The following ARHGAP35 variants were observed in gnomAD, a reference collection of about 807,000 sequenced individuals.
ARHGAP35 encodes Rho GTPase activating protein 35.
Under a neutral mutation model 111.1 loss-of-function variants are expected in ARHGAP35, and 15 were observed. The ratio of observed to expected loss-of-function variants is 0.13; its 90% CI spans 0.09 to 0.21. The LOEUF (loss-of-function observed/expected upper bound fraction) is 0.21. ARHGAP35 is among the 10% of genes least tolerant of loss of function. The pLI is 1.00. For missense variants in ARHGAP35, 1,262 were observed against 1,873.0 expected (o/e 0.67, Z 6.02); for synonymous variants, 643 against 710.3 (o/e 0.91, Z 1.51).
At chr19:46,937,074 A>G (rs919569245) in intron 2 of ARHGAP35, among the ~76,000 whole-genome samples, 190 bp from the exon 3 acceptor site, 2 of 152,078 alleles carry the variant, frequency 1.3e-5, no homozygotes, top group African/African-American at 4.8e-5. Flanking sequence ...TCCTGACCTG[A>G]GGTGATCCAC....
chr19:46,878,949 T>C (rs984833367), intron 1 of ARHGAP35, among the ~76,000 whole-genome samples: 1 of 152,222 alleles, frequency 6.6e-6, no homozygotes, highest in Non-Finnish European at 1.5e-5. Flanking sequence ...GTTTGCTACA[T>C]TCATTGATTC....
chr19:46,864,097 C>G (rs1200501939), intron 1 of ARHGAP35, among the ~76,000 whole-genome samples: 1 of 152,186 alleles, frequency 6.6e-6, no homozygotes, highest in African/African-American at 2.4e-5. Context: ...TGTGGGTGGG[C>G]CCTGACATTC....
chr19:46,861,278 A>AGGCGGGGAC (rs945688672), intron 1 of ARHGAP35, among the ~76,000 whole-genome samples, 69 bp downstream of exon 1: 23 of 147,008 alleles, frequency 1.6e-4, no homozygotes, highest in Non-Finnish European at 2.7e-4. Context: ...GTCCAGGGGG[A>AGGCGGGGAC]GGCGGGGACG....
At position 46,920,192 on chromosome 19, in the gene ARHGAP35, T is replaced by G; in HGVS notation, c.1517T>G (p.Leu506Arg). Residue 506 changes from leucine (L) to arginine (R), a missense_variant, in exon 2 of 7, where the codon CTG (leucine) becomes CGG (arginine). Physicochemically the swap from Leu to Arg is moderately radical, Grantham distance 102. Around this residue, in one of 8 missense-constraint regions of ARHGAP35, gnomAD observed 328 missense variants for 440.8 expected, o/e 0.74. Transcript: ENST00000672722. The surrounding 1 kb of genome is among the most constrained non-coding windows in gnomAD (Gnocchi z 7.0). ...GAATATTCAGAATTGTTTTATGAAC[T>G]GGAGCTGGATGCTAAGCCCAGCAAG... The part of the protein sequence containing the change: ...LLEYSELFYE[L>R]ELDAKPSKEK... 1 of 1,613,990 alleles carries G rather than the reference T, an allele frequency of 6.2e-7. No homozygotes were observed. Among genetic ancestry groups the G allele is most frequent in the Non-Finnish European group, 8.5e-7 (1 of 1,179,882 alleles).
At position 46,921,956 on chromosome 19, in the gene ARHGAP35, T is replaced by G; in HGVS notation, c.3281T>G (p.Val1094Gly). The change falls in exon 2 of 7, where the codon GTG becomes GGG. Residue 1094 changes from valine (V) to glycine (G), a missense_variant. Physicochemically the swap from Val to Gly is moderately radical, Grantham distance 109. Around this residue, in one of 8 missense-constraint regions of ARHGAP35, gnomAD observed 579 missense variants for 716.9 expected, o/e 0.81. Coordinates refer to ENST00000672722, the MANE Select transcript of ARHGAP35 (RefSeq NM_004491.5). This position sits in a 1 kb window ranked among gnomAD's most constrained non-coding sequence, Gnocchi z 4.3. ...PSDYAEPMDAVVKPRNEEENI... is the reference protein window; with the variant it reads ...PSDYAEPMDAGVKPRNEEENI... ...GACTATGCTGAACCCATGGATGCTG[T>G]GGTGAAGCCAAGGAATGAAGAAGAA... is the stretch of plus-strand genomic sequence containing the variant. The G allele has an allele frequency of 6.2e-7, 1 of 1,613,958 alleles. No individual in the cohort carries two copies.
At chr19:46,956,082 C>A (rs2056437564) in intron 3 of ARHGAP35, among the ~76,000 whole-genome samples, 2 of 152,160 alleles carry the variant, frequency 1.3e-5, no homozygotes, top group African/African-American at 4.8e-5. Flanking sequence ...CTTAGAGAGA[C>A]CAGTGCGGGC....
In ARHGAP35 at chr19:46,926,509, C is replaced by T. The variant is rs1163276164; in HGVS notation, c.3681+4153C>T. ...AAAAACAGGCTGGGGAGCCTTGTTC[C>T]ACAAAGTATGCCTTTTGGTCATGCT... On this transcript the variant is annotated intron_variant, in intron 2 of 6. Coordinates refer to ENST00000672722, the MANE Select transcript of ARHGAP35 (RefSeq NM_004491.5). The surrounding 1 kb of genome is among the most constrained non-coding windows in gnomAD (Gnocchi z 4.1). 6.6e-6 allele frequency among the ~76,000 whole-genome samples: 1 copy of T among 152,090 alleles called. No individual in the cohort carries two copies. The highest frequency in any genetic ancestry group is 2.4e-5 in the African/African-American group (1 of 41,406).
At chr19:46,939,372 CATTTATTTATTT>C (rs60855006) in intron 3 of ARHGAP35, among the ~76,000 whole-genome samples, 1,597 of 145,368 alleles carry the variant, frequency 0.011, 20 homozygotes, top group African/African-American at 0.032. Context: ...TGCACCTTTA[CATTTATTTATTT>C]ATTTATTTAT....
chr19:46,871,340 T>G (rs537387285), intron 1 of ARHGAP35, among the ~76,000 whole-genome samples: 1 of 152,126 alleles, frequency 6.6e-6, no homozygotes, highest in Non-Finnish European at 1.5e-5. Flanking sequence ...AGTTTAGCAA[T>G]GTTTTATTTG....
intron 1 of ARHGAP35, among the ~76,000 whole-genome samples, chr19:46,898,909 A>G (rs1599806105): frequency 6.6e-6 from 1 of 152,228 alleles, no homozygotes; most frequent in Non-Finnish European, 1.5e-5. Context: ...GCATTCTTCC[A>G]TAGTTGTTCA....
intron 1 of ARHGAP35, among the ~76,000 whole-genome samples, chr19:46,879,615 T>TAAATAAATAAATAAAC (rs1381786999): frequency 6.8e-6 from 1 of 147,396 alleles, no homozygotes; most frequent in Non-Finnish European, 1.5e-5. Flanking sequence ...AATAAATAAA[T>TAAATAAATAAATAAAC]AAAAATAAAA....
chr19:46,935,475 C>T (rs2056302539), intron 2 of ARHGAP35, among the ~76,000 whole-genome samples: 1 of 152,148 alleles, frequency 6.6e-6, no homozygotes, highest in African/African-American at 2.4e-5. Flanking sequence ...CAACGAATCT[C>T]AGACTAAACA....
At chr19:46,935,566 C>T (rs1340528360) in intron 2 of ARHGAP35, among the ~76,000 whole-genome samples, 5 of 152,274 alleles carry the variant, frequency 3.3e-5, no homozygotes, top group Admixed American at 6.5e-5. Context: ...AGGTGGCCTG[C>T]GGCCTGGCGG....
chr19:46,990,483 G>C (rs925532864), intron 5 of ARHGAP35, among the ~76,000 whole-genome samples: 1 of 152,180 alleles, frequency 6.6e-6, no homozygotes, highest in African/African-American at 2.4e-5. Flanking sequence ...TTGTGCCTCT[G>C]GCAGGCCAAG....
intron 3 of ARHGAP35, among the ~76,000 whole-genome samples, chr19:46,973,558 CG>C (rs1419181167): frequency 1.3e-5 from 2 of 150,138 alleles, no homozygotes; most frequent in Non-Finnish European, 3.0e-5. Flanking sequence ...GGTGTGGTGG[CG>C]GGGCGCCTGT....
intron 1 of ARHGAP35, among the ~76,000 whole-genome samples, chr19:46,862,944 TC>T (rs938805291): frequency 1.3e-5 from 2 of 151,898 alleles, no homozygotes; most frequent in African/African-American, 2.4e-5. Flanking sequence ...TCCTATGTAT[TC>T]CCCCCCACCT....
intron 1 of ARHGAP35, among the ~76,000 whole-genome samples, chr19:46,862,425 CCT>C (rs1287260636): frequency 2.6e-5 from 4 of 152,016 alleles, no homozygotes; most frequent in Admixed American, 1.3e-4. Context: ...CTTCCTGTCC[CCT>C]CTTTGCTCCA....
At position 47,001,390 on chromosome 19, in the gene ARHGAP35, A is replaced by G; in HGVS notation, c.*702A>G. ...AGGAACACTAGGAGAAAAAATGGAA[A>G]AACCCTTCCAGTAATTAAAAAGGAA... On this transcript the variant is annotated 3_prime_UTR_variant, in exon 7 of 7. Transcript: ENST00000672722. This position sits in a 1 kb window ranked among gnomAD's most constrained non-coding sequence, Gnocchi z 5.4. 7.8e-7 allele frequency: 1 copy of G among 1,289,156 alleles called. No homozygotes were observed. Among genetic ancestry groups the G allele is most frequent in the South Asian group, 1.2e-5 (1 of 81,002 alleles). 79.9% of individuals were successfully genotyped at this position (1,289,156 alleles called of 1,614,324 possible). A position where few individuals can be genotyped will look rare whatever the true frequency, so the allele number is the denominator to read the frequency against.
chr19:46,964,552 G>A (rs1011280736), intron 3 of ARHGAP35, among the ~76,000 whole-genome samples: 5 of 152,302 alleles, frequency 3.3e-5, no homozygotes, highest in South Asian at 2.1e-4. Flanking sequence ...GCCAGCATGC[G>A]CAGCCAGTGG....
Sources: allele counts gnomAD v4.1 joint callset (sites outside exome capture counted in the v4.1 genomes callset), GRCh38; gene constraint gnomAD v4.1.1; regional missense constraint gnomAD v4.1.1; non-coding constraint Gnocchi (gnomAD v3.1); transcripts MANE v1.5; gene names NCBI Gene and HGNC (gene_info 2026-07-23, HGNC 2026-07-21).